Variants in GFRA1 observed in about 807,000 individuals in gnomAD.
GFRA1 encodes the protein GDNF family receptor alpha-1.
A neutral mutation model predicts 51.6 loss-of-function variants in GFRA1; 16 were observed. The ratio of observed to expected loss-of-function variants is 0.31; its 90% CI spans 0.21 to 0.47. GFRA1 has a LOEUF of 0.47. Among genes scored for constraint, GFRA1 ranks in the 20% least tolerant of loss-of-function variants. The pLI is 1.00. For missense variants in GFRA1, 530 were observed against 594.3 expected (o/e 0.89, Z 1.13); for synonymous variants, 270 against 241.3 (o/e 1.12, Z -1.10).
At chr10:116,189,520 G>A (rs4751581) in intron 5 of GFRA1, among the ~76,000 whole-genome samples, 73,241 of 151,840 alleles carry the variant, frequency 0.48, 18,710 homozygotes, top group Middle Eastern at 0.6. Context: ...TCACACTTTC[G>A]TGCAACATTT....
At chr10:116,201,537 T>A (rs962591859) in intron 5 of GFRA1, among the ~76,000 whole-genome samples, 1 of 152,064 alleles carries the variant, frequency 6.6e-6, no homozygotes, top group Non-Finnish European at 1.5e-5. Context: ...GAGTTGCCCT[T>A]ATCCTGCCCA....
intron 5 of GFRA1, among the ~76,000 whole-genome samples, chr10:116,134,243 A>G (rs886206434): frequency 2.0e-5 from 3 of 152,340 alleles, no homozygotes; most frequent in African/African-American, 7.2e-5. Context: ...AGGCTGCAGA[A>G]TTGAATTCAC....
intron 4 of GFRA1, among the ~76,000 whole-genome samples, chr10:116,227,507 A>C (rs575103868): frequency 1.6e-4 from 25 of 152,334 alleles, no homozygotes; most frequent in Non-Finnish European, 3.2e-4. Context: ...TTCCTTCTAC[A>C]AACATTATTC....
intron 6 of GFRA1, among the ~76,000 whole-genome samples, chr10:116,101,801 T>C (rs181590718): frequency 1.2e-4 from 18 of 152,258 alleles, no homozygotes; most frequent in African/African-American, 4.3e-4. Context: ...GGACTGAGAA[T>C]TGTAAGATGT....
At chr10:116,182,618 G>T (rs1393188495) in intron 5 of GFRA1, among the ~76,000 whole-genome samples, 1 of 152,188 alleles carries the variant, frequency 6.6e-6, no homozygotes, top group Non-Finnish European at 1.5e-5. Flanking sequence ...GACCCAAAAA[G>T]CAGCTCAGTG....
In GFRA1 at chr10:116,212,075, G is replaced by C. The variant is rs528775776; in HGVS notation, c.419-430C>G. 3.9e-5 allele frequency among the ~76,000 whole-genome samples: 6 copies of C among 152,246 alleles called. No individual in the cohort carries two copies. The South Asian group carries it at 1.2e-3, about 32-fold the overall frequency. On this transcript the variant is annotated intron_variant, in intron 4 of 10. Transcript: ENST00000355422. Reference sequence around the variant, plus strand: ...TCATTTTATAGATGGGGAAACTGAGGCTCCAGAAAGTTAAATAACTCATTC... The same window carrying C: ...TCATTTTATAGATGGGGAAACTGAGCCTCCAGAAAGTTAAATAACTCATTC...
intron 5 of GFRA1, among the ~76,000 whole-genome samples, chr10:116,177,892 A>C (rs1227559725): frequency 6.6e-6 from 1 of 152,182 alleles, no homozygotes; most frequent in Non-Finnish European, 1.5e-5. Context: ...TGTCCACCAG[A>C]GAGCCAGGGC....
chr10:116,254,319 CAA>C (rs67848241), intron 4 of GFRA1, among the ~76,000 whole-genome samples: 6 of 106,790 alleles, frequency 5.6e-5, no homozygotes, highest in East Asian at 2.6e-4. Flanking sequence ...GAGCCTCTGT[CAA>C]AAAAAAAAAA....
chr10:116,223,340 T>C (rs1225851825), intron 4 of GFRA1, among the ~76,000 whole-genome samples: 1 of 152,226 alleles, frequency 6.6e-6, no homozygotes, highest in Non-Finnish European at 1.5e-5. Context: ...ACACTCTATA[T>C]CACATAAATG....
intron 9 of GFRA1, among the ~76,000 whole-genome samples, chr10:116,081,769 G>T (rs1490006500): frequency 6.6e-6 from 1 of 152,174 alleles, no homozygotes; most frequent in East Asian, 1.9e-4. Context: ...CCAAAGTGGG[G>T]CTTGGGGACT....
chr10:116,114,982 T>A (rs1957355195), intron 6 of GFRA1, among the ~76,000 whole-genome samples: 1 of 152,082 alleles, frequency 6.6e-6, no homozygotes, highest in Non-Finnish European at 1.5e-5. Context: ...AACAAAACCA[T>A]AATGCAAGCC....
Position 116,148,924 on chromosome 10 carries a change from A to G in GFRA1, c.434-23367T>C, listed in dbSNP as rs1335280499. Reference sequence around the variant, plus strand: ...ACTTGATTCAAATTAAATTTCAAGCACCTTATTTTTTAAAGAAAAGAAATT... The same window carrying G: ...ACTTGATTCAAATTAAATTTCAAGCGCCTTATTTTTTAAAGAAAAGAAATT... On this transcript the variant is annotated intron_variant, in intron 5 of 10. Transcript: ENST00000355422. Among the ~76,000 whole-genome samples the G allele has an allele frequency of 3.9e-5, 6 of 152,310 alleles. No individual in the cohort carries two copies. The East Asian group carries it at 1.2e-3, about 29-fold the overall frequency.
In GFRA1 at chr10:116,061,757, C is replaced by G; in HGVS notation, c.*2641G>C. On this transcript the variant is annotated 3_prime_UTR_variant, in exon 11 of 11. Transcript: ENST00000355422. Reference sequence around the variant, plus strand: ...GACAGGAAGTAGCGAATCATTTTTGCTTTTAAGCACGCCAAGAAGAAGTGA... The same window carrying G: ...GACAGGAAGTAGCGAATCATTTTTGGTTTTAAGCACGCCAAGAAGAAGTGA... 2.7e-6 allele frequency: 1 copy of G among 375,774 alleles called. No homozygotes were observed. Among genetic ancestry groups the G allele is most frequent in the Non-Finnish European group, 4.7e-6 (1 of 211,938 alleles). 23.3% of individuals were successfully genotyped at this position (375,774 alleles called of 1,614,324 possible).
chr10:116,232,299 T>C (rs539044602), intron 4 of GFRA1, among the ~76,000 whole-genome samples: 1 of 152,290 alleles, frequency 6.6e-6, no homozygotes, highest in Admixed American at 6.5e-5. Flanking sequence ...CTGGCATCCC[T>C]CCAGAATCTT....
At chr10:116,147,869 G>A (rs1958877041) in intron 5 of GFRA1, among the ~76,000 whole-genome samples, 1 of 151,910 alleles carries the variant, frequency 6.6e-6, no homozygotes, top group Non-Finnish European at 1.5e-5. Flanking sequence ...GCTTCCGGGG[G>A]ACCCCAGTGG....
chr10:116,203,292 A>C (rs1373123967), intron 5 of GFRA1, among the ~76,000 whole-genome samples: 2 of 152,242 alleles, frequency 1.3e-5, no homozygotes, highest in African/African-American at 4.8e-5. Flanking sequence ...TGTGACTTCC[A>C]GCAAGCCAGA....
At chr10:116,137,532 T>G (rs1005069527) in intron 5 of GFRA1, among the ~76,000 whole-genome samples, 2 of 152,112 alleles carry the variant, frequency 1.3e-5, no homozygotes, top group Non-Finnish European at 2.9e-5. Context: ...TGCAGTGGCT[T>G]TTACCGTCAC....
chr10:116,138,048 G>A (rs754041548), intron 5 of GFRA1, among the ~76,000 whole-genome samples: 7 of 152,070 alleles, frequency 4.6e-5, no homozygotes, highest in East Asian at 1.9e-4. Context: ...TGATCTATCC[G>A]CCTCAGCCTC....
At chr10:116,141,497 A>G (rs1174484663) in intron 5 of GFRA1, among the ~76,000 whole-genome samples, 1 of 152,110 alleles carries the variant, frequency 6.6e-6, no homozygotes, top group East Asian at 1.9e-4. Context: ...GGCAATGAGT[A>G]ACTAGAGGCA....
Sources: allele counts gnomAD v4.1 joint callset (sites outside exome capture counted in the v4.1 genomes callset), GRCh38; gene constraint gnomAD v4.1.1; transcripts MANE v1.5; gene names NCBI Gene and HGNC (gene_info 2026-07-23, HGNC 2026-07-21).